RIMS1: variants seen among roughly 807,000 people sequenced by gnomAD.
RIMS1 encodes the protein regulating synaptic membrane exocytosis 1, also known as regulating synaptic membrane exocytosis protein 1.
RIMS1 carries 83 observed loss-of-function variants against 214.1 expected under a neutral mutation model. The observed-to-expected ratio is 0.39, with a 90% CI of 0.32 to 0.47. The LOEUF is 0.47. RIMS1 is among the 20% of genes least tolerant of loss of function. The probability of loss-of-function intolerance (pLI) is 0.99; values close to 1 mark genes in which losing one functional copy is unlikely to be tolerated. For missense variants in RIMS1, 2,050 were observed against 2,161.8 expected, an observed-to-expected ratio of 0.95 and a Z score of 1.03; for synonymous variants, 793 against 786.8, an observed-to-expected ratio of 1.01 and a Z score of -0.13.
At chr6:72,023,632 GT>G (rs982827361) in intron 2 of RIMS1, among the ~76,000 whole-genome samples, 3 of 151,762 alleles carry the variant, frequency 2.0e-5, no homozygotes, top group Non-Finnish European at 2.9e-5. Context: ...TAATTTGTAA[GT>G]TTTTTTTCAT....
chr6:72,230,744 T>C (rs1367722716), intron 6 of RIMS1, among the ~76,000 whole-genome samples: 5 of 151,656 alleles, frequency 3.3e-5, no homozygotes, highest in Non-Finnish European at 7.4e-5. Flanking sequence ...TCTGCACTGA[T>C]AGTTGGGTGT....
At chr6:72,208,502 C>T (rs2053295478) in intron 6 of RIMS1, among the ~76,000 whole-genome samples, 2 of 152,172 alleles carry the variant, frequency 1.3e-5, no homozygotes, top group African/African-American at 2.4e-5. Context: ...AAATTGGAAT[C>T]CTTTTTCTTC....
chr6:72,192,300 T>C (rs2050197341), intron 6 of RIMS1, among the ~76,000 whole-genome samples: 1 of 152,142 alleles, frequency 6.6e-6, no homozygotes, highest in Non-Finnish European at 1.5e-5. Context: ...GTCTGATCAT[T>C]TTTTCCTTCC....
At chr6:71,998,867 A>G (rs1369686626) in intron 2 of RIMS1, among the ~76,000 whole-genome samples, 7 of 152,148 alleles carry the variant, frequency 4.6e-5, no homozygotes, top group Non-Finnish European at 1.0e-4. Flanking sequence ...TCAGATTCCA[A>G]TGAACCTCTC....
At chr6:72,256,321 TG>T (rs1213236681) in intron 16 of RIMS1, among the ~76,000 whole-genome samples, 1 of 152,168 alleles carries the variant, frequency 6.6e-6, no homozygotes, top group Non-Finnish European at 1.5e-5. Flanking sequence ...GTATACTTTT[TG>T]AATTCAGAAC....
At chr6:72,260,797 G>C (rs1216570624) in intron 19 of RIMS1, 30 bp downstream of exon 19, 1 of 1,609,208 alleles carries the variant, frequency 6.2e-7, no homozygotes, top group South Asian at 1.1e-5. Flanking sequence ...AATGGTGACT[G>C]TGTGTGATGA....
At chr6:72,161,775 T>C (rs2045454819) in intron 4 of RIMS1, among the ~76,000 whole-genome samples, 1 of 140,938 alleles carries the variant, frequency 7.1e-6, no homozygotes, top group Admixed American at 7.3e-5. Context: ...ATTTCTGTCC[T>C]TTCACATTTG....
intron 2 of RIMS1, among the ~76,000 whole-genome samples, chr6:72,039,299 T>G (rs748585646): frequency 3.3e-5 from 5 of 152,164 alleles, no homozygotes; most frequent in African/African-American, 2.4e-5. Flanking sequence ...TATATATTTT[T>G]GGCAATGAAA....
chr6:72,134,037 C>T (rs1334766187), intron 4 of RIMS1, among the ~76,000 whole-genome samples: 1 of 152,078 alleles, frequency 6.6e-6, no homozygotes, highest in East Asian at 1.9e-4. Flanking sequence ...CAATAATATA[C>T]ATACAGCACC....
intron 4 of RIMS1, among the ~76,000 whole-genome samples, chr6:72,131,753 T>C (rs2040477380): frequency 1.3e-5 from 2 of 152,120 alleles, no homozygotes; most frequent in African/African-American, 4.8e-5. Context: ...TAGGCAGGAA[T>C]TTCCTCTTCC....
At chr6:72,120,821 AT>A (rs917971963) in intron 4 of RIMS1, among the ~76,000 whole-genome samples, 2 of 151,832 alleles carry the variant, frequency 1.3e-5, no homozygotes, top group South Asian at 2.1e-4. Context: ...TCTTGAATTA[AT>A]TTTTTATAAG....
chr6:71,944,535 T>G (rs1487561248), intron 1 of RIMS1, among the ~76,000 whole-genome samples: 1 of 152,026 alleles, frequency 6.6e-6, no homozygotes, highest in Non-Finnish European at 1.5e-5. Flanking sequence ...GTACAGTTGG[T>G]GTGAAGTGGG....
intron 2 of RIMS1, among the ~76,000 whole-genome samples, chr6:72,000,925 A>G (rs1804985660): frequency 1.3e-5 from 2 of 152,002 alleles, no homozygotes; most frequent in African/African-American, 4.8e-5. Context: ...TTTAACTACT[A>G]TTATGTTGCA....
At chr6:72,394,069 T>A (rs1287318411) in intron 31 of RIMS1, among the ~76,000 whole-genome samples, 1 of 150,498 alleles carries the variant, frequency 6.6e-6, no homozygotes, top group Non-Finnish European at 1.5e-5. Flanking sequence ...AAATGCTTCC[T>A]CACAAGGTAA....
At chr6:72,339,065 CAT>C (rs2096950025) in intron 29 of RIMS1, among the ~76,000 whole-genome samples, 2 of 151,758 alleles carry the variant, frequency 1.3e-5, no homozygotes. Context: ...GAGCAAATCA[CAT>C]ATAAATATTT....
Position 72,290,736 on chromosome 6 carries a change from G to A in RIMS1, c.3612G>A (p.Gln1204=), listed in dbSNP as rs759423213. The A allele has an allele frequency of 6.2e-7, 1 of 1,613,810 alleles. No individual in the cohort carries two copies. The highest frequency in any genetic ancestry group is 2.2e-5 in the East Asian group (1 of 44,870). Residue 1204 remains glutamine (Q), a synonymous_variant, in exon 25 of 34, where the codon CAG becomes CAA. Transcript: ENST00000521978. ...ACGCAGCCCCAAGAGCAACTGATCA[G>A]CCAGTCATTAGGGGAAAACATCCTG... ...RGHAAPRATD[Q]PVIRGKHPAR...
intron 26 of RIMS1, among the ~76,000 whole-genome samples, chr6:72,299,542 G>A (rs1287416997): frequency 2.0e-5 from 3 of 151,522 alleles, no homozygotes; most frequent in Non-Finnish European, 4.4e-5. Flanking sequence ...TTAAGTACCA[G>A]GTTTCTTTAA....
In RIMS1 at chr6:72,151,156, C is replaced by T. The variant is rs146001307; in HGVS notation, c.472-28419C>T. Among the ~76,000 whole-genome samples, 451 of 152,298 alleles carry T rather than the reference C, an allele frequency of 3.0e-3. 1 individual carries two copies. Among genetic ancestry groups the T allele is most frequent in the African/African-American group, 0.01 (433 of 41,564 alleles). On this transcript the variant is annotated intron_variant, in intron 4 of 33. Coordinates refer to ENST00000521978, the MANE Select transcript of RIMS1 (RefSeq NM_014989.7). ...CTCCCAGGTTCACACCATTCTCCTG[C>T]CTCAGCCTCCCAAGTAGCTGGGACT...
At position 72,368,761 on chromosome 6, in the gene RIMS1, G is replaced by A. The variant is rs74948367; in HGVS notation, c.4367-21837G>A. 9.9e-4 allele frequency among the ~76,000 whole-genome samples: 151 copies of A among 152,138 alleles called. 1 individual carries two copies. Among genetic ancestry groups the A allele is most frequent in the African/African-American group, 3.6e-3 (148 of 41,520 alleles). ...GGAAAGATTTTATTTAAAGTTTATT[G>A]CATTAATCTGTTTTCATAGAGTAGT... On this transcript the variant is annotated intron_variant, in intron 29 of 33. Transcript: ENST00000521978.
Sources: gnomAD v4.1 joint callset for allele counts (sites outside exome capture counted in the v4.1 genomes callset) on GRCh38, gnomAD v4.1.1 for gene constraint, MANE v1.5 for transcripts, NCBI Gene and HGNC (gene_info 2026-07-23, HGNC 2026-07-21) for gene names.